The following UGGT2 variants were observed in gnomAD, a reference collection of about 807,000 sequenced individuals.
The protein encoded by UGGT2 is UDP-glucose glycoprotein glucosyltransferase 2.
A neutral mutation model predicts 192.1 loss-of-function variants in UGGT2; 180 were observed. The ratio of observed to expected loss-of-function variants is 0.94; its 90% CI spans 0.83 to 1.06. The LOEUF is 1.06. Ranked by LOEUF, UGGT2 falls within the 50% of genes least tolerant of loss-of-function variation. UGGT2 has a pLI of 0.00. For synonymous variants in UGGT2, 580 were observed against 591.0 expected (o/e 0.98, Z 0.27); for missense variants, 1,849 against 1,795.7 (o/e 1.03, Z -0.54).
chr13:95,983,074 T>C lies in UGGT2; in HGVS notation c.1092+730A>G, dbSNP rs138473437. Reference sequence around the variant, plus strand: ...GTTATTAGAAAAGTAAACACTAGCTTTTCTAGCTTCCCGCGCAGCCTAAGG... The same window carrying C: ...GTTATTAGAAAAGTAAACACTAGCTCTTCTAGCTTCCCGCGCAGCCTAAGG... On this transcript the variant is annotated intron_variant, in intron 10 of 38. Coordinates refer to ENST00000376747, the MANE Select transcript of UGGT2 (RefSeq NM_020121.4). Among the ~76,000 whole-genome samples the C allele has an allele frequency of 4.9e-3, 748 of 152,270 alleles. 1 individual carries two copies. Among genetic ancestry groups the C allele is most frequent in the Admixed American group, 0.013 (200 of 15,288 alleles).
chr13:95,847,508 C>T (rs993788535), intron 36 of UGGT2, among the ~76,000 whole-genome samples: 2 of 152,138 alleles, frequency 1.3e-5, no homozygotes, highest in African/African-American at 4.8e-5. Flanking sequence ...ATACTGTCTC[C>T]ATAGTTTTGC....
chr13:95,895,316 A>G lies in UGGT2; in HGVS notation c.2635-12T>C, dbSNP rs768819634. ...AAAGGTCCTAAGAACTTAAAATAAA[A>G]ACAGTTATATTATCATATATCTTCT... On this transcript the variant is annotated splice_polypyrimidine_tract_variant and intron_variant, in intron 22 of 38. Coordinates refer to ENST00000376747, the MANE Select transcript of UGGT2 (RefSeq NM_020121.4). The G allele has an allele frequency of 2.6e-5, 35 of 1,363,926 alleles. No individual in the cohort carries two copies. Among genetic ancestry groups the G allele is most frequent in the Non-Finnish European group, 3.5e-5 (35 of 996,308 alleles). 84.5% of individuals were successfully genotyped at this position (1,363,926 alleles called of 1,614,324 possible). A position where few individuals can be genotyped will look rare whatever the true frequency, so the allele number is the denominator to read the frequency against.
At chr13:95,854,496 G>C (rs1300997038) in intron 34 of UGGT2, 21 bp from the exon 35 acceptor site, 1 of 1,573,896 alleles carries the variant, frequency 6.4e-7, no homozygotes, top group Admixed American at 1.9e-5. Context: ...AAAATAGACT[G>C]TCTGATAAAG....
At chr13:96,006,623 C>CAAAAAAAAAAAAA (rs61256349) in intron 5 of UGGT2, among the ~76,000 whole-genome samples, 2 of 93,470 alleles carry the variant, frequency 2.1e-5, no homozygotes, top group African/African-American at 1.0e-4. Flanking sequence ...GATTCTGCCT[C>CAAAAAAAAAAAAA]AAAAAAAAAA....
chr13:95,869,835 AT>A (rs2140127162), intron 29 of UGGT2, among the ~76,000 whole-genome samples: 1 of 152,326 alleles, frequency 6.6e-6, no homozygotes, highest in African/African-American at 2.4e-5. Context: ...TCTCAATGAG[AT>A]TCAAGAGAAT....
chr13:95,909,713 G>T (rs960484858), intron 20 of UGGT2, among the ~76,000 whole-genome samples: 1 of 135,272 alleles, frequency 7.4e-6, no homozygotes, highest in African/African-American at 2.8e-5. Context: ...GTAACTAACC[G>T]GCACAATGTG....
intron 4 of UGGT2, among the ~76,000 whole-genome samples, chr13:96,014,623 CTTCA>C (rs1211942745): frequency 6.6e-6 from 1 of 152,162 alleles, no homozygotes; most frequent in East Asian, 1.9e-4. Context: ...TAGAATTTCA[CTTCA>C]TTATTAATCT....
chr13:95,969,800 A>G (rs1232145503), intron 12 of UGGT2, among the ~76,000 whole-genome samples: 3 of 152,196 alleles, frequency 2.0e-5, no homozygotes, highest in Non-Finnish European at 4.4e-5. Flanking sequence ...ACTTTTATAT[A>G]CACCTCAGAT....
chr13:95,901,436 A>G (rs1188577845), intron 21 of UGGT2, among the ~76,000 whole-genome samples: 3 of 152,158 alleles, frequency 2.0e-5, no homozygotes, highest in African/African-American at 4.8e-5. Context: ...ATATATGGAC[A>G]TTCACAGAAA....
chr13:95,995,984 T>C (rs1288940757), intron 7 of UGGT2, 79 bp downstream of exon 7: 3 of 1,247,170 alleles, frequency 2.4e-6, no homozygotes, highest in East Asian at 2.3e-5. Context: ...GTGAAGCATA[T>C]GGCAAAACAG....
In UGGT2 at chr13:95,970,173, T is replaced by C. The variant is rs2050726700; in HGVS notation, c.1274A>G (p.Lys425Arg). The C allele has an allele frequency of 2.5e-6, 4 of 1,611,778 alleles. No homozygotes were observed. The highest frequency in any genetic ancestry group is 2.7e-5 in the African/African-American group (2 of 74,874). ...ATATTCCCAAATGTGTGAATTTAAT[T>C]TTAAAAATTTGCTCATATCTTCCCC... Reference protein sequence around the residue: ...INGEDMSKFLKLNSHIWEYTY... With the variant: ...INGEDMSKFLRLNSHIWEYTY... Residue 425 changes from lysine (K) to arginine (R), a missense_variant, in exon 12 of 39, where the codon AAA becomes AGA. Transcript: ENST00000376747.
At chr13:96,014,397 T>C (rs987792130) in intron 4 of UGGT2, among the ~76,000 whole-genome samples, 8 of 152,206 alleles carry the variant, frequency 5.3e-5, no homozygotes, top group African/African-American at 1.7e-4. Flanking sequence ...TCAGGCAGAA[T>C]TGGATTCAAT....
At chr13:95,958,368 G>T (rs1391821253) in intron 12 of UGGT2, among the ~76,000 whole-genome samples, 1 of 152,056 alleles carries the variant, frequency 6.6e-6, no homozygotes, top group South Asian at 2.1e-4. Flanking sequence ...AGCCTGGATG[G>T]TCTCCATCTC....
At position 95,859,545 on chromosome 13, in the gene UGGT2, T is replaced by C. The variant is rs768773771; in HGVS notation, c.3825+46A>G. The C allele has an allele frequency of 4.4e-6, 6 of 1,370,428 alleles. No individual in the cohort carries two copies. The East Asian group carries it at 1.4e-4, about 32-fold the overall frequency. 84.9% of individuals were successfully genotyped at this position (1,370,428 alleles called of 1,614,324 possible). On this transcript the variant is annotated intron_variant, in intron 33 of 38. Transcript: ENST00000376747. Reference sequence around the variant, plus strand: ...TAAACTTACAATGATACAAATAATTTACTATTCAAACATTAACCATTCTAC... The same window carrying C: ...TAAACTTACAATGATACAAATAATTCACTATTCAAACATTAACCATTCTAC...
At chr13:95,983,378 G>C (rs1215638685) in intron 10 of UGGT2, 2 of 274,278 alleles carry the variant, frequency 7.3e-6, no homozygotes, top group Admixed American at 1.0e-4. Flanking sequence ...GGGGTCTATG[G>C]ATAATTTAAG....
At chr13:95,919,610 C>T (rs183696749) in intron 20 of UGGT2, among the ~76,000 whole-genome samples, 1 of 151,986 alleles carries the variant, frequency 6.6e-6, no homozygotes, top group Admixed American at 6.5e-5. Context: ...ACAATTGCTA[C>T]AAAATGAATA....
intron 38 of UGGT2, among the ~76,000 whole-genome samples, chr13:95,826,306 C>T (rs1222136570): frequency 6.6e-6 from 1 of 151,990 alleles, no homozygotes; most frequent in Admixed American, 6.6e-5. Context: ...GGAAAAAGGC[C>T]TACTACCACC....
chr13:95,970,927 C>T (rs1281890463), intron 11 of UGGT2, among the ~76,000 whole-genome samples: 2 of 152,068 alleles, frequency 1.3e-5, no homozygotes, highest in Non-Finnish European at 2.9e-5. Context: ...TATATAAGAC[C>T]CTGCTTATGG....
At chr13:95,864,064 G>A (rs111401067) in intron 30 of UGGT2, among the ~76,000 whole-genome samples, 1 of 151,994 alleles carries the variant, frequency 6.6e-6, no homozygotes, top group Admixed American at 6.6e-5. Flanking sequence ...CTCACTTATC[G>A]TTATCCCTTC....
Sources: allele counts gnomAD v4.1 joint callset (sites outside exome capture counted in the v4.1 genomes callset), GRCh38; gene constraint gnomAD v4.1.1; transcripts MANE v1.5; gene names NCBI Gene and HGNC (gene_info 2026-07-23, HGNC 2026-07-21).